Variants in NOC2L observed in about 807,000 individuals in gnomAD.
The protein encoded by NOC2L is nucleolar complex protein 2 homolog.
In NOC2L, 101 loss-of-function variants were observed where a neutral mutation model predicts 94.2. That is an observed-to-expected ratio of 1.07 (90% CI 0.91 to 1.26). The LOEUF (loss-of-function observed/expected upper bound fraction) is 1.26. Ranked by LOEUF, NOC2L falls within the 50% of genes most tolerant of loss-of-function variation. NOC2L has a pLI of 0.00. For missense variants in NOC2L, 1,076 were observed against 980.1 expected (o/e 1.10, Z -1.31); for synonymous variants, 531 against 413.4 (o/e 1.28, Z -3.45).
intron 5 of NOC2L, 30 bp from the exon 6 acceptor site, chr1:956,043 G>A (rs553363978): frequency 5.5e-5 from 88 of 1,614,052 alleles, no homozygotes; most frequent in Middle Eastern, 1.6e-4. Flanking sequence ...ATGTACTCAC[G>A]GGACAGAGAA....
intron 12 of NOC2L, among the ~76,000 whole-genome samples, chr1:949,843 G>A (rs1279771689): frequency 6.6e-6 from 1 of 152,210 alleles, no homozygotes; most frequent in Non-Finnish European, 1.5e-5. Flanking sequence ...GAATCAGAAC[G>A]TGCCTGGGGC....
At chr1:950,165 C>G (rs189462431) in intron 12 of NOC2L, among the ~76,000 whole-genome samples, 4 of 152,128 alleles carry the variant, frequency 2.6e-5, no homozygotes, top group Non-Finnish European at 5.9e-5. Context: ...CAGGCACACA[C>G]AAGCAGACGT....
chr1:957,346 G>T, intron 2 of NOC2L, 73 bp from the exon 3 acceptor site: 1 of 1,449,214 alleles, frequency 6.9e-7, no homozygotes, highest in Non-Finnish European at 9.5e-7. Context: ...TACAGGGTCA[G>T]TCTACTCCCT....
chr1:956,335 G>A (rs1348211454), intron 4 of NOC2L, 120 bp from the exon 5 acceptor site: 3 of 1,187,558 alleles, frequency 2.5e-6, no homozygotes, highest in African/African-American at 1.5e-5. Flanking sequence ...GCAGAGGTTG[G>A]GGGGAGGCAC....
At position 956,026 on chromosome 1, in the gene NOC2L, G is replaced by C; in HGVS notation, c.608-13C>G. 3 of 1,614,058 alleles carry C rather than the reference G, an allele frequency of 1.9e-6. No homozygotes were observed. The highest frequency in any genetic ancestry group is 1.7e-6 in the Non-Finnish European group (2 of 1,180,032). On this transcript the variant is annotated splice_polypyrimidine_tract_variant and intron_variant, in intron 5 of 18. Coordinates refer to ENST00000327044, the MANE Select transcript of NOC2L (RefSeq NM_015658.4). Reference sequence around the variant, plus strand: ...AGAGCATTGAATGCTGCAACGAAAAGGCCTGGATGTACTCACGGGACAGAG... The same window carrying C: ...AGAGCATTGAATGCTGCAACGAAAACGCCTGGATGTACTCACGGGACAGAG...
chr1:958,952 C>G lies in NOC2L; in HGVS notation c.156G>C (p.Lys52Asn). 6.2e-7 allele frequency: 1 copy of G among 1,612,780 alleles called. No individual in the cohort carries two copies. The highest frequency in any genetic ancestry group is 1.1e-5 in the South Asian group (1 of 91,092). Residue 52 changes from lysine to asparagine, a missense_variant, in exon 2 of 19, where the codon AAG (lysine) becomes AAC (asparagine). By Grantham distance (94) the Lys-to-Asn change is moderately conservative (BLOSUM62 0). Around this residue, in one of 3 missense-constraint regions of NOC2L, gnomAD observed 457 missense variants for 386.0 expected, o/e 1.18. Transcript: ENST00000327044. ...EAREAARSPDKPGGSPSASRR... is the reference protein window; with the variant it reads ...EAREAARSPDNPGGSPSASRR... ...ACCTGGCCGAGGGGCTCCCGCCCGG[C>G]TTATCCGGACTCCGGGCAGCCTCGC...
chr1:955,942 C>G lies in NOC2L; in HGVS notation c.679G>C (p.Val227Leu). ...TCTTACCTGCTGCTATCCTTTGCCA[C>G]CTTTCCAAACAGCAGCTTCTGGAGA... ...GCLQKLLFGK[V>L]AKDSSRMLQP... Residue 227 changes from valine to leucine, a missense_variant, in exon 6 of 19, where the codon GTG becomes CTG. Coordinates refer to ENST00000327044, the MANE Select transcript of NOC2L (RefSeq NM_015658.4). 1 of 1,613,908 alleles carries G rather than the reference C, an allele frequency of 6.2e-7. No homozygotes were observed. Among genetic ancestry groups the G allele is most frequent in the Non-Finnish European group, 8.5e-7 (1 of 1,179,934 alleles).
intron 17 of NOC2L, 91 bp from the exon 18 acceptor site, chr1:945,237 A>G: frequency 2.1e-6 from 3 of 1,457,308 alleles, no homozygotes; most frequent in Non-Finnish European, 2.8e-6. Context: ...CCAGGCTCCC[A>G]ACACCCTTCC....
intron 6 of NOC2L, chr1:954,289 T>G: frequency 1.8e-6 from 1 of 542,938 alleles, no homozygotes. Flanking sequence ...AGCTCCTCCT[T>G]CAGTGGCCTT....
intron 6 of NOC2L, among the ~76,000 whole-genome samples, chr1:954,725 G>A (rs988424804): frequency 2.0e-5 from 3 of 152,170 alleles, no homozygotes; most frequent in Admixed American, 1.3e-4. Context: ...TACTTGGGAG[G>A]CTAAGGTGAG....
chr1:954,228 C>CCTTACA, intron 6 of NOC2L, 146 bp from the exon 7 acceptor site: 1 of 692,794 alleles, frequency 1.4e-6, no homozygotes, highest in Non-Finnish European at 2.4e-6. Flanking sequence ...GCTCAGGGCC[C>CCTTACA]CTTACAGCTG....
intron 16 of NOC2L, 27 bp downstream of exon 16, chr1:946,145 AC>A: frequency 2.0e-6 from 3 of 1,495,602 alleles, no homozygotes; most frequent in Non-Finnish European, 2.8e-6. Flanking sequence ...GTCACAACAC[AC>A]CCCCAGGTCC....
chr1:954,163 G>T, intron 6 of NOC2L, 81 bp from the exon 7 acceptor site: 1 of 1,361,868 alleles, frequency 7.3e-7, no homozygotes, highest in Non-Finnish European at 1.0e-6. Flanking sequence ...CGCGTGCCCT[G>T]GCCAGCATAG....
At chr1:949,382 G>A (rs117607626) in intron 12 of NOC2L, among the ~76,000 whole-genome samples, 17 of 152,332 alleles carry the variant, frequency 1.1e-4, no homozygotes, top group East Asian at 3.9e-4. Flanking sequence ...ATGGGAAAAC[G>A]CCCTGGTACT....
chr1:954,251 G>A (rs943935091), intron 6 of NOC2L, 169 bp from the exon 7 acceptor site: 2 of 607,624 alleles, frequency 3.3e-6, no homozygotes, highest in Non-Finnish European at 2.9e-6. Context: ...CAGACACAGG[G>A]GCTTAGGAGG....
chr1:958,194 G>C (rs558163727), intron 2 of NOC2L: 1 of 155,450 alleles, frequency 6.4e-6, no homozygotes, highest in Non-Finnish European at 1.4e-5. Flanking sequence ...TCAGCCTCCC[G>C]AGTAGCTGGG....
intron 12 of NOC2L, among the ~76,000 whole-genome samples, chr1:950,671 AG>A (rs1383801143): frequency 5.1e-4 from 3 of 5,932 alleles, no homozygotes; most frequent in Admixed American, 3.5e-3. Flanking sequence ...ACACACACAC[AG>A]ATTTACAGAC....
chr1:948,730 C>CCTG, intron 12 of NOC2L, 127 bp from the exon 13 acceptor site: 1 of 668,424 alleles, frequency 1.5e-6, no homozygotes, highest in South Asian at 1.7e-5. Context: ...CACCCTGGTC[C>CCTG]TCAGGCTTCA....
In NOC2L at chr1:955,950, A is replaced by G. The variant is rs749499986; in HGVS notation, c.671T>C (p.Phe224Ser). 1.9e-6 allele frequency: 3 copies of G among 1,613,730 alleles called. No individual in the cohort carries two copies. Among genetic ancestry groups the G allele is most frequent in the Non-Finnish European group, 2.5e-6 (3 of 1,179,948 alleles). Residue 224 changes from phenylalanine (F) to serine (S), a missense_variant, in exon 6 of 19, where the codon TTT becomes TCT. Coordinates refer to ENST00000327044, the MANE Select transcript of NOC2L (RefSeq NM_015658.4). Reference protein sequence around the residue: ...DLIGCLQKLLFGKVAKDSSRM... With the variant: ...DLIGCLQKLLSGKVAKDSSRM... ...GCTGCTATCCTTTGCCACCTTTCCAAACAGCAGCTTCTGGAGACAGCCAAT... is the reference window on the plus strand; with the variant it reads ...GCTGCTATCCTTTGCCACCTTTCCAGACAGCAGCTTCTGGAGACAGCCAAT...
Sources: allele counts gnomAD v4.1 joint callset (sites outside exome capture counted in the v4.1 genomes callset), GRCh38; gene constraint gnomAD v4.1.1; regional missense constraint gnomAD v4.1.1; transcripts MANE v1.5; gene names NCBI Gene and HGNC (gene_info 2026-07-23, HGNC 2026-07-21).